The following RPH3AL variants were observed in gnomAD, a reference collection of about 807,000 sequenced individuals.
RPH3AL encodes rab effector Noc2.
RPH3AL carries 38 observed loss-of-function variants against 43.1 expected under a neutral mutation model. The observed-to-expected ratio is 0.88, with a 90% CI of 0.68 to 1.15. The LOEUF (loss-of-function observed/expected upper bound fraction) is 1.15, where lower values mean the gene tolerates loss of function less well. Among genes scored for constraint, RPH3AL ranks in the 50% most tolerant of loss-of-function variants. The pLI, the probability that RPH3AL is intolerant of heterozygous loss-of-function variation, is 0.00. For missense variants in RPH3AL, 462 were observed against 423.2 expected (o/e 1.09, Z -0.81); for synonymous variants, 189 against 176.3 (o/e 1.07, Z -0.57).
chr17:303,357 C>T (rs939110270), intron 5 of RPH3AL, among the ~76,000 whole-genome samples: 4 of 151,988 alleles, frequency 2.6e-5, no homozygotes, highest in Non-Finnish European at 4.4e-5. Flanking sequence ...CACCGCTGCA[C>T]TCCAGCCGGG....
rs186895616 is a variant in RPH3AL at position 312,371 on chromosome 17, A to C, written c.351+7049T>G. 2.7e-3 allele frequency among the ~76,000 whole-genome samples: 409 copies of C among 152,322 alleles called. 2 individuals carry two copies. The highest frequency in any genetic ancestry group is 0.01 in the Admixed American group (156 of 15,308). On this transcript the variant is annotated intron_variant, in intron 5 of 9. Coordinates refer to ENST00000331302, the MANE Select transcript of RPH3AL (RefSeq NM_006987.4). Reference sequence around the variant, plus strand: ...CCTGCCACACGAGGACACACGGAGAAGGCAGCTGTCTGCAAGCCATGAACA... The same window carrying C: ...CCTGCCACACGAGGACACACGGAGACGGCAGCTGTCTGCAAGCCATGAACA...
At chr17:236,812 C>T (rs749371357) in intron 7 of RPH3AL, among the ~76,000 whole-genome samples, 19 of 152,374 alleles carry the variant, frequency 1.2e-4, no homozygotes, top group Middle Eastern at 3.4e-3. Context: ...AGCCAGTGAG[C>T]GTCGAGAACT....
intron 6 of RPH3AL, among the ~76,000 whole-genome samples, chr17:273,374 G>A (rs1404651981): frequency 1.2e-5 from 1 of 85,830 alleles, no homozygotes; most frequent in African/African-American, 4.0e-5. Context: ...CCCCAGCGAG[G>A]GTGACGTCAG....
intron 5 of RPH3AL, among the ~76,000 whole-genome samples, chr17:309,209 C>T (rs1228477340): frequency 2.6e-5 from 4 of 152,156 alleles, no homozygotes; most frequent in African/African-American, 7.2e-5. Flanking sequence ...GTGGGAGGAT[C>T]GATTGAGCCC....
At chr17:247,572 A>C in intron 6 of RPH3AL, 1 of 378,352 alleles carries the variant, frequency 2.6e-6, no homozygotes, top group Non-Finnish European at 4.8e-6. Flanking sequence ...TGCAGCCTCC[A>C]CCTCCTGGGC....
rs2042612893 is a variant in RPH3AL at position 274,734 on chromosome 17, C to G, written c.438+7034G>C. Among the ~76,000 whole-genome samples, 1 of 152,160 alleles carries G rather than the reference C, an allele frequency of 6.6e-6. No individual in the cohort carries two copies. Among genetic ancestry groups the G allele is most frequent in the Admixed American group, 6.5e-5 (1 of 15,280 alleles). On this transcript the variant is annotated intron_variant, in intron 6 of 9. Transcript: ENST00000331302. The surrounding 1 kb of genome is among the most constrained non-coding windows in gnomAD (Gnocchi z 4.7). ...GGGCTATGAGGAGACGCCTTGGAGT[C>G]AATCCTGGGTCTGCGGGGCTTAGGC... is the stretch of plus-strand genomic sequence containing the variant.
At chr17:243,324 TCTA>T (rs1175569140) in intron 7 of RPH3AL, among the ~76,000 whole-genome samples, 6 of 141,834 alleles carry the variant, frequency 4.2e-5, no homozygotes, top group South Asian at 2.3e-4. Flanking sequence ...ATTACCTTCC[TCTA>T]CTGATTGCCC....
Position 323,281 on chromosome 17 carries a change from T to C in RPH3AL, c.78-1866A>G, listed in dbSNP as rs933823658. Among the ~76,000 whole-genome samples, 1 of 149,346 alleles carries C rather than the reference T, an allele frequency of 6.7e-6. No homozygotes were observed. Among genetic ancestry groups the C allele is most frequent in the South Asian group, 2.1e-4 (1 of 4,760 alleles). On this transcript the variant is annotated intron_variant, in intron 3 of 9. Transcript: ENST00000331302. The surrounding 1 kb of genome is among the most constrained non-coding windows in gnomAD (Gnocchi z 4.4). ...CAATTTAAAAAAAAAAAAACTGCAA[T>C]GCCCTAGACCAACGCTTTCCAAGCA... is the stretch of plus-strand genomic sequence containing the variant.
In RPH3AL at chr17:294,872, A is replaced by G. The variant is rs867478479; in HGVS notation, c.352-13018T>C. Among the ~76,000 whole-genome samples, 37 of 25,500 alleles carry G rather than the reference A, an allele frequency of 1.5e-3. No homozygotes were observed. In the South Asian group the frequency reaches 0.016, roughly 11 times the overall value. 16.7% of individuals were successfully genotyped at this position (25,500 alleles called of 152,430 possible). A position where few individuals can be genotyped will look rare whatever the true frequency, so the allele number is the denominator to read the frequency against. On this transcript the variant is annotated intron_variant, in intron 5 of 9. Transcript: ENST00000331302. ...GCACATCAGTGTGGGAGGGACAGAG[A>G]TGCTGCAGAAATGGACAGCAGAGGG...
chr17:297,738 G>A (rs1228800431), intron 5 of RPH3AL, among the ~76,000 whole-genome samples: 1 of 152,198 alleles, frequency 6.6e-6, no homozygotes, highest in Non-Finnish European at 1.5e-5. Flanking sequence ...GGAGGGTGAG[G>A]CAGCAGCCTC....
rs1394087868 is a variant in RPH3AL at position 283,579 on chromosome 17, G to A, written c.352-1725C>T. Among the ~76,000 whole-genome samples, 1 of 152,106 alleles carries A rather than the reference G, an allele frequency of 6.6e-6. No individual in the cohort carries two copies. Among genetic ancestry groups the A allele is most frequent in the African/African-American group, 2.4e-5 (1 of 41,416 alleles). ...AGGTCCTAGGCTTGGGGTGTTTGAT[G>A]GCCCAGATCTGCAGAGGGTCCCCTG... On this transcript the variant is annotated intron_variant, in intron 5 of 9. Transcript: ENST00000331302. This position sits in a 1 kb window ranked among gnomAD's most constrained non-coding sequence, Gnocchi z 4.2.
intron 5 of RPH3AL, among the ~76,000 whole-genome samples, chr17:315,194 G>T (rs1598091938): frequency 1.1e-4 from 1 of 9,446 alleles, no homozygotes; most frequent in African/African-American, 5.1e-4. Context: ...TAGTCCCTGT[G>T]CTCCACCTCC....
At chr17:214,586 G>A (rs1369248447) in intron 9 of RPH3AL, 1 of 152,346 alleles carries the variant, frequency 6.6e-6, no homozygotes, top group Non-Finnish European at 1.5e-5. Flanking sequence ...GGCAACATAG[G>A]GAGACCCCGT....
rs943537215 is a variant in RPH3AL, at chr17:219,864, G to A, written c.614-128C>T. On this transcript the variant is annotated intron_variant, in intron 7 of 9. Coordinates refer to ENST00000331302, the MANE Select transcript of RPH3AL (RefSeq NM_006987.4). ...GCGTAGCAGCTCAGCTGGCCCTTTC[G>A]CTTTGGGCAGAAGAAATAATGGCCT... The A allele has an allele frequency of 1.2e-4, 79 of 668,266 alleles. No homozygotes were observed. The Middle Eastern group carries it at 1.3e-3, about 11-fold the overall frequency. The allele number at this position is 668,266 out of a possible 1,614,324, so 41.4% of individuals were successfully genotyped here. A position where few individuals can be genotyped will look rare whatever the true frequency, so the allele number is the denominator to read the frequency against.
chr17:332,868 C>A (rs1024185830), intron 2 of RPH3AL: 46 of 551,868 alleles, frequency 8.3e-5, no homozygotes, highest in Non-Finnish European at 1.3e-4. Context: ...GGCTGGCCGG[C>A]CCAGCAGGCA....
At position 225,540 on chromosome 17, in the gene RPH3AL, G is replaced by T. The variant is rs946853685; in HGVS notation, c.614-5804C>A. Among the ~76,000 whole-genome samples the T allele has an allele frequency of 1.3e-5, 2 of 152,204 alleles. No homozygotes were observed. The highest frequency in any genetic ancestry group is 1.3e-4 in the Admixed American group (2 of 15,286). ...TCCTGCTGGGCTCCTGGAGCAAGTT[G>T]TTCCCATGTTGCCCTTGGGGCAGCT... is the stretch of plus-strand genomic sequence containing the variant. On this transcript the variant is annotated intron_variant, in intron 7 of 9. Coordinates refer to ENST00000331302, the MANE Select transcript of RPH3AL (RefSeq NM_006987.4). The surrounding 1 kb of genome is among the most constrained non-coding windows in gnomAD (Gnocchi z 4.4).
chr17:237,187 A>C (rs1324454278), intron 7 of RPH3AL, among the ~76,000 whole-genome samples: 1 of 152,262 alleles, frequency 6.6e-6, no homozygotes, highest in Non-Finnish European at 1.5e-5. Context: ...CAACCCACAC[A>C]GAACCCTCAG....
At chr17:320,515 C>T (rs1031932007) in intron 4 of RPH3AL, among the ~76,000 whole-genome samples, 13 of 151,944 alleles carry the variant, frequency 8.6e-5, no homozygotes, top group East Asian at 5.8e-4. Context: ...GTGGTGCCCA[C>T]GCACGGTCCT....
intron 5 of RPH3AL, among the ~76,000 whole-genome samples, chr17:301,373 G>A (rs904746376): frequency 6.6e-6 from 1 of 152,078 alleles, no homozygotes; most frequent in African/African-American, 2.4e-5. Flanking sequence ...GCGGGAGCAC[G>A]GCTCACTGTA....
Sources: gnomAD v4.1 joint callset for allele counts (sites outside exome capture counted in the v4.1 genomes callset) on GRCh38, gnomAD v4.1.1 for gene constraint, Gnocchi (gnomAD v3.1) non-coding constraint, MANE v1.5 for transcripts, NCBI Gene and HGNC (gene_info 2026-07-23, HGNC 2026-07-21) for gene names.